Variants in SGK3 observed in about 807,000 individuals in gnomAD.
SGK3 encodes the protein serine/threonine-protein kinase Sgk3.
Under a neutral mutation model 68.5 loss-of-function variants are expected in SGK3, and 47 were observed. That is an observed-to-expected ratio of 0.69 (90% CI 0.54 to 0.87). The LOEUF (loss-of-function observed/expected upper bound fraction) is 0.87, where lower values mean the gene tolerates loss of function less well. Ranked by LOEUF, SGK3 falls within the 40% of genes least tolerant of loss-of-function variation. The pLI is 0.00. For synonymous variants in SGK3, 181 were observed against 189.1 expected, an observed-to-expected ratio of 0.96 and a Z score of 0.35; for missense variants, 479 against 575.5, an observed-to-expected ratio of 0.83 and a Z score of 1.72.
chr8:66,762,478 C>A (rs1254178536), intron 1 of SGK3, among the ~76,000 whole-genome samples: 1 of 152,104 alleles, frequency 6.6e-6, no homozygotes, highest in Non-Finnish European at 1.5e-5. Flanking sequence ...GATCGCGCCA[C>A]TGCACTCCAG....
At chr8:66,847,371 C>T (rs529752028) in intron 15 of SGK3, 23 bp downstream of exon 15, 8 of 1,607,326 alleles carry the variant, frequency 5.0e-6, no homozygotes, top group Non-Finnish European at 6.8e-6. Flanking sequence ...TTTTCTAGCT[C>T]CAGCTTTATT....
intron 1 of SGK3, among the ~76,000 whole-genome samples, chr8:66,735,196 C>G (rs1805284069): frequency 1.3e-5 from 2 of 152,016 alleles, no homozygotes; most frequent in South Asian, 4.1e-4. Flanking sequence ...TGGAATGTAT[C>G]CTGAGGATAA....
intron 6 of SGK3, among the ~76,000 whole-genome samples, chr8:66,823,453 A>C (rs1456497853): frequency 1.3e-5 from 2 of 149,422 alleles, no homozygotes; most frequent in Non-Finnish European, 3.0e-5. Context: ...GGCCAGAGTC[A>C]GTGGCGTGAT....
At chr8:66,800,600 A>G (rs904941110) in intron 3 of SGK3, among the ~76,000 whole-genome samples, 2 of 152,066 alleles carry the variant, frequency 1.3e-5, no homozygotes, top group Non-Finnish European at 2.9e-5. Flanking sequence ...GTCAGAATAA[A>G]TCAAACAATG....
rs750833038 is a variant in SGK3 at position 66,850,882 on chromosome 8, G to T, written c.1282G>T (p.Val428Leu). Reference protein sequence around the residue: ...FFESLSWADLVQKKIPPPFNP... With the variant: ...FFESLSWADLLQKKIPPPFNP... Reference sequence around the variant, plus strand: ...TGAATCACTCAGCTGGGCTGACCTTGTACAAAAGAAGATTCCACCACCATT... The same window carrying T: ...TGAATCACTCAGCTGGGCTGACCTTTTACAAAAGAAGATTCCACCACCATT... The change falls in exon 16 of 17, where the codon GTA becomes TTA. Residue 428 changes from valine (V) to leucine (L), a missense_variant. Val to Leu is a conservative substitution (Grantham distance 32). This residue lies in a region of SGK3 where 173 missense variants were observed against 214.3 expected (regional missense o/e 0.81). Transcript: ENST00000521198. The T allele has an allele frequency of 1.2e-6, 2 of 1,611,816 alleles. No individual in the cohort carries two copies. Among genetic ancestry groups the T allele is most frequent in the African/African-American group, 1.3e-5 (1 of 74,982 alleles).
chr8:66,827,822 T>A (rs1809125540), intron 6 of SGK3, among the ~76,000 whole-genome samples: 1 of 152,132 alleles, frequency 6.6e-6, no homozygotes, highest in African/African-American at 2.4e-5. Flanking sequence ...ACTACCACAG[T>A]GCTAGAATTA....
At chr8:66,845,737 T>C (rs1235263152) in intron 14 of SGK3, among the ~76,000 whole-genome samples, 1 of 150,168 alleles carries the variant, frequency 6.7e-6, no homozygotes, top group African/African-American at 2.5e-5. Flanking sequence ...TATTTATTTA[T>C]AGTAGAGACA....
chr8:66,763,901 G>T (rs1185819340), intron 1 of SGK3, among the ~76,000 whole-genome samples: 1 of 152,104 alleles, frequency 6.6e-6, no homozygotes, highest in African/African-American at 2.4e-5. Context: ...GCAGGGTCTT[G>T]CTCTGTTGCC....
At chr8:66,758,011 TACACACACACACAC>T (rs374764386) in intron 1 of SGK3, among the ~76,000 whole-genome samples, 1 of 133,666 alleles carries the variant, frequency 7.5e-6, no homozygotes, top group East Asian at 2.2e-4. Context: ...ACACACACAC[TACACACACACACAC>T]ACACACACAC....
intron 15 of SGK3, among the ~76,000 whole-genome samples, chr8:66,849,560 C>G (rs546037871): frequency 1.1e-3 from 172 of 151,202 alleles, no homozygotes; most frequent in Non-Finnish European, 1.8e-3. Flanking sequence ...CAATCTAATT[C>G]TCCCTGTAGC....
chr8:66,788,959 TG>T (rs1807322397), intron 1 of SGK3, among the ~76,000 whole-genome samples: 2 of 152,296 alleles, frequency 1.3e-5, no homozygotes, highest in South Asian at 4.1e-4. Flanking sequence ...GACTATATTA[TG>T]GCAATTCAGA....
Position 66,821,128 on chromosome 8 carries a change from A to C in SGK3, c.330-1244A>C, listed in dbSNP as rs148458592. ...GGGTGCCGGGTATGGAGATTTAATT[A>C]TTCCCCACAGTCGTCATGAGTCCAT... On this transcript the variant is annotated intron_variant, in intron 5 of 16. Coordinates refer to ENST00000521198, the MANE Select transcript of SGK3 (RefSeq NM_001033578.3). Among the ~76,000 whole-genome samples the C allele has an allele frequency of 3.0e-4, 45 of 152,220 alleles. 3 individuals are homozygous for C. The East Asian group carries it at 5.4e-3, about 18-fold the overall frequency.
chr8:66,775,197 G>GC (rs1226079076), intron 1 of SGK3: 6 of 152,464 alleles, frequency 3.9e-5, no homozygotes, highest in East Asian at 1.9e-4. Flanking sequence ...TGCAGGTTTG[G>GC]CCCCCGCAGG....
chr8:66,820,761 G>C (rs769596431), intron 5 of SGK3, among the ~76,000 whole-genome samples: 4 of 151,984 alleles, frequency 2.6e-5, no homozygotes, highest in Non-Finnish European at 5.9e-5. Flanking sequence ...TAGAATGCAG[G>C]GGTGCAATCT....
chr8:66,770,267 T>C (rs1806466038), intron 1 of SGK3, among the ~76,000 whole-genome samples: 2 of 152,334 alleles, frequency 1.3e-5, no homozygotes, highest in South Asian at 4.1e-4. Flanking sequence ...AGTGATTACT[T>C]TTTATCTCAT....
At chr8:66,763,569 T>G (rs902170451) in intron 1 of SGK3, among the ~76,000 whole-genome samples, 13 of 152,150 alleles carry the variant, frequency 8.5e-5, no homozygotes, top group African/African-American at 3.1e-4. Context: ...TTTCCCTAGA[T>G]TGGTCACTGA....
chr8:66,837,315 C>T (rs1002915329), intron 10 of SGK3, among the ~76,000 whole-genome samples: 1 of 152,130 alleles, frequency 6.6e-6, no homozygotes, highest in Non-Finnish European at 1.5e-5. Context: ...ATCTTTCATT[C>T]CCCAATCTCT....
At chr8:66,848,402 A>G (rs532094940) in intron 15 of SGK3, among the ~76,000 whole-genome samples, 2 of 152,256 alleles carry the variant, frequency 1.3e-5, no homozygotes, top group East Asian at 3.9e-4. Context: ...TCCTCTCTGT[A>G]TTAACTATTT....
chr8:66,840,994 G>T, intron 12 of SGK3, 30 bp from the exon 13 acceptor site: 1 of 1,463,746 alleles, frequency 6.8e-7, no homozygotes, highest in Non-Finnish European at 9.2e-7. Context: ...TTTATGCATT[G>T]TTTTATCTTA....
Sources: gnomAD v4.1 joint callset for allele counts (sites outside exome capture counted in the v4.1 genomes callset) on GRCh38, gnomAD v4.1.1 for gene constraint, gnomAD v4.1.1 regional missense constraint, MANE v1.5 for transcripts, NCBI Gene and HGNC (gene_info 2026-07-23, HGNC 2026-07-21) for gene names.